Variants in NLGN1 observed in about 807,000 individuals in gnomAD.
NLGN1 encodes neuroligin 1, also known as neuroligin-1.
A neutral mutation model predicts 65.5 loss-of-function variants in NLGN1; 12 were observed. The observed-to-expected ratio is 0.18, with a 90% confidence interval of 0.12 to 0.30. The LOEUF (loss-of-function observed/expected upper bound fraction) is 0.30, where lower values mean the gene tolerates loss of function less well. NLGN1 is among the 10% of genes least tolerant of loss of function. The pLI is 1.00. For missense variants in NLGN1, 750 were observed against 1,007.1 expected (o/e 0.74, Z 3.46); for synonymous variants, 350 against 359.5 (o/e 0.97, Z 0.30).
intron 4 of NLGN1, among the ~76,000 whole-genome samples, chr3:174,077,664 T>C (rs1295091281): frequency 3.3e-5 from 5 of 152,184 alleles, no homozygotes; most frequent in Non-Finnish European, 5.9e-5. Context: ...CAAGCATTTC[T>C]CCTGCCTCAG....
chr3:173,824,862 G>A (rs1260244349), intron 4 of NLGN1, among the ~76,000 whole-genome samples: 2 of 152,028 alleles, frequency 1.3e-5, no homozygotes, highest in Non-Finnish European at 2.9e-5. Context: ...CTTATTAACC[G>A]TATGTAGCCA....
chr3:174,039,606 G>C (rs1458421421), intron 4 of NLGN1, among the ~76,000 whole-genome samples: 1 of 152,130 alleles, frequency 6.6e-6, no homozygotes, highest in Non-Finnish European at 1.5e-5. Flanking sequence ...AAAGGCACCA[G>C]GTAAGGGAGA....
At chr3:173,415,951 A>G (rs1435670029) in intron 1 of NLGN1, among the ~76,000 whole-genome samples, 1 of 137,256 alleles carries the variant, frequency 7.3e-6, no homozygotes, top group Non-Finnish European at 1.6e-5. Flanking sequence ...AGAGCTTGGT[A>G]TAGAGCCTAA....
chr3:173,531,384 A>T (rs1227465391), intron 2 of NLGN1, among the ~76,000 whole-genome samples: 1 of 152,072 alleles, frequency 6.6e-6, no homozygotes, highest in Non-Finnish European at 1.5e-5. Flanking sequence ...ATTATTGCTT[A>T]TTCTCTAGGA....
rs146339256 is a variant in NLGN1 at position 173,942,985 on chromosome 3, G to A, written c.646+135153G>A. ...CACACCTGTAATCCCAGCACTTTGC[G>A]AGGCTGAGATAGGTGTATTGCTTGA... On this transcript the variant is annotated intron_variant, in intron 4 of 6. Transcript: ENST00000457714. Among the ~76,000 whole-genome samples the A allele has an allele frequency of 3.5e-3, 531 of 152,258 alleles. 1 individual carries two copies. Among genetic ancestry groups the A allele is most frequent in the African/African-American group, 0.012 (491 of 41,544 alleles).
At chr3:173,776,358 T>A (rs1220355374) in intron 3 of NLGN1, among the ~76,000 whole-genome samples, 1 of 152,064 alleles carries the variant, frequency 6.6e-6, no homozygotes, top group African/African-American at 2.4e-5. Flanking sequence ...TGAGATAGGT[T>A]AAATGAACCA....
intron 3 of NLGN1, among the ~76,000 whole-genome samples, chr3:173,683,468 C>T (rs1203667846): frequency 2.0e-5 from 3 of 152,166 alleles, no homozygotes; most frequent in Non-Finnish European, 2.9e-5. Context: ...ATTGGGGGAT[C>T]TCCAAGTGAC....
At chr3:173,933,068 A>C (rs2152290392) in intron 4 of NLGN1, among the ~76,000 whole-genome samples, 1 of 152,296 alleles carries the variant, frequency 6.6e-6, no homozygotes. Context: ...AGGCAACAGA[A>C]AAGCTCAGAA....
intron 4 of NLGN1, among the ~76,000 whole-genome samples, chr3:174,039,960 A>G (rs908747704): frequency 7.9e-5 from 12 of 152,196 alleles, no homozygotes; most frequent in Non-Finnish European, 1.6e-4. Flanking sequence ...CCCAGAATGG[A>G]AATAAGGCCA....
At chr3:173,791,035 T>C (rs1262875416) in intron 3 of NLGN1, among the ~76,000 whole-genome samples, 1 of 152,230 alleles carries the variant, frequency 6.6e-6, no homozygotes, top group Non-Finnish European at 1.5e-5. Context: ...TTTGGAAATA[T>C]CTTTGAGAAT....
At chr3:173,692,732 G>A (rs534221024) in intron 3 of NLGN1, among the ~76,000 whole-genome samples, 181 of 152,124 alleles carry the variant, frequency 1.2e-3, no homozygotes, top group African/African-American at 3.5e-3. Flanking sequence ...ATGATAATAC[G>A]TTATACTTAA....
At chr3:173,661,499 T>C (rs9290477) in intron 3 of NLGN1, among the ~76,000 whole-genome samples, 62,313 of 151,816 alleles carry the variant, frequency 0.41, 13,615 homozygotes, top group African/African-American at 0.57. Context: ...TAGTTATTAT[T>C]ACACCACATA....
chr3:173,710,354 T>TA (rs924574333), intron 3 of NLGN1, among the ~76,000 whole-genome samples: 17 of 151,804 alleles, frequency 1.1e-4, no homozygotes, highest in African/African-American at 2.9e-4. Context: ...CACTCACATT[T>TA]AAAAAAAAAT....
intron 2 of NLGN1, among the ~76,000 whole-genome samples, chr3:173,489,034 C>T (rs1012617896): frequency 3.3e-5 from 5 of 151,596 alleles, no homozygotes; most frequent in South Asian, 4.2e-4. Context: ...TTCTCAACCC[C>T]CTGTTCACTC....
chr3:173,498,107 G>A (rs1190996465), intron 2 of NLGN1, among the ~76,000 whole-genome samples: 1 of 151,578 alleles, frequency 6.6e-6, no homozygotes, highest in Admixed American at 6.6e-5. Context: ...ACAACGTGCA[G>A]GTTTGTTACA....
chr3:173,479,103 T>C (rs1357231358), intron 2 of NLGN1, among the ~76,000 whole-genome samples: 1 of 152,140 alleles, frequency 6.6e-6, no homozygotes. Context: ...TGTCTGTGTT[T>C]GTTTGTTAAA....
intron 2 of NLGN1, among the ~76,000 whole-genome samples, chr3:173,440,727 G>A (rs1429815221): frequency 6.6e-6 from 1 of 152,116 alleles, no homozygotes; most frequent in Non-Finnish European, 1.5e-5. Context: ...TCTATTTATA[G>A]AGCACAGGCA....
intron 1 of NLGN1, among the ~76,000 whole-genome samples, chr3:173,424,048 G>T (rs990575234): frequency 6.6e-6 from 1 of 152,184 alleles, no homozygotes; most frequent in Non-Finnish European, 1.5e-5. Flanking sequence ...ACACCATGTG[G>T]AAGCTGAACA....
intron 2 of NLGN1, among the ~76,000 whole-genome samples, chr3:173,489,010 A>G (rs1560326120): frequency 6.6e-6 from 1 of 150,804 alleles, no homozygotes; most frequent in Non-Finnish European, 1.5e-5. Flanking sequence ...ACCTAATCTG[A>G]TCTTTAGATT....
Sources: allele counts gnomAD v4.1 joint callset (sites outside exome capture counted in the v4.1 genomes callset), GRCh38; gene constraint gnomAD v4.1.1; transcripts MANE v1.5; gene names NCBI Gene and HGNC (gene_info 2026-07-23, HGNC 2026-07-21).